Variants in TENM1 observed in about 807,000 individuals in gnomAD.
The protein encoded by TENM1 is teneurin transmembrane protein 1.
In TENM1, 35 loss-of-function variants were observed where a neutral mutation model predicts 174.8. The ratio of observed to expected loss-of-function variants is 0.20; its 90% CI spans 0.15 to 0.27. The LOEUF is 0.27. Among genes scored for constraint, TENM1 ranks in the 10% least tolerant of loss-of-function variants. TENM1 has a pLI of 1.00. For missense variants in TENM1, 1,633 were observed against 2,130.1 expected (o/e 0.77, Z 4.59); for synonymous variants, 781 against 798.7 (o/e 0.98, Z 0.37).
chrX:124,973,410 T>C, the TENM1 span, among the ~76,000 whole-genome samples: 14 of 111,729 alleles, frequency 1.3e-4, no homozygotes, highest in Non-Finnish European at 2.3e-4. Context: ...CCATAAGAAA[T>C]TTAAAGTAGT....
chrX:125,149,258 A>G, the TENM1 span, among the ~76,000 whole-genome samples: 1 of 111,764 alleles, frequency 8.9e-6, no homozygotes. Flanking sequence ...TTAACTGGCA[A>G]ACTCCTCTCC....
At chrX:124,451,077 T>A (rs1427826062) in intron 23 of TENM1, among the ~76,000 whole-genome samples, 3 of 112,052 alleles carry the variant, frequency 2.7e-5, no homozygotes, top group Non-Finnish European at 5.6e-5. Context: ...ATGTTAGAGC[T>A]GGAAGGTTTG....
intron 8 of TENM1, among the ~76,000 whole-genome samples, chrX:124,650,354 G>T (rs996440853): frequency 1.8e-5 from 2 of 111,051 alleles, no homozygotes; most frequent in African/African-American, 6.5e-5. Context: ...AAAGACAAGA[G>T]AAAAGTAAAG....
At chrX:125,075,474 CAT>C in the TENM1 span, among the ~76,000 whole-genome samples, 3 of 111,214 alleles carry the variant, frequency 2.7e-5, no homozygotes, top group Non-Finnish European at 5.7e-5. Context: ...TTTATGTAGA[CAT>C]ATGTTTTCAT....
chrX:124,737,285 T>C, intron 3 of TENM1, 88 bp from the exon 7 acceptor site: 1 of 1,011,530 alleles, frequency 9.9e-7, no homozygotes, highest in Non-Finnish European at 1.3e-6. Context: ...TTACCAGGAT[T>C]TCAGATAATA....
At chrX:124,974,997 G>A in the TENM1 span, among the ~76,000 whole-genome samples, 1 of 104,300 alleles carries the variant, frequency 9.6e-6, no homozygotes, top group Admixed American at 1.1e-4. Flanking sequence ...CAGGAACTCT[G>A]GTTCATATCT....
At chrX:125,202,142 G>A in the TENM1 span, among the ~76,000 whole-genome samples, 1 of 111,930 alleles carries the variant, frequency 8.9e-6, no homozygotes, top group South Asian at 3.8e-4. Flanking sequence ...GGACTAGGAA[G>A]ATGAACTGGG....
At chrX:124,460,808 A>C (rs1219372808) in intron 22 of TENM1, among the ~76,000 whole-genome samples, 1 of 110,768 alleles carries the variant, frequency 9.0e-6, no homozygotes, top group Non-Finnish European at 1.9e-5. Context: ...TCTCTTAACC[A>C]CTATGCCATG....
the TENM1 span, among the ~76,000 whole-genome samples, chrX:125,119,051 C>T: frequency 1.2e-3 from 135 of 111,258 alleles, 1 homozygote; most frequent in Middle Eastern, 9.1e-3. Context: ...TCAGTGTATG[C>T]ACTTAAAATG....
At chrX:125,005,433 GT>G in the TENM1 span, among the ~76,000 whole-genome samples, 1 of 108,523 alleles carries the variant, frequency 9.2e-6, no homozygotes, top group African/African-American at 3.3e-5. Flanking sequence ...GTGTGTGTGT[GT>G]GTGTGTGTGT....
At chrX:125,044,685 C>T in the TENM1 span, among the ~76,000 whole-genome samples, 1 of 111,135 alleles carries the variant, frequency 9.0e-6, no homozygotes, top group African/African-American at 3.3e-5. Context: ...CAGGTTGTGG[C>T]ATATTGTCAA....
chrX:124,698,923 G>T (rs1299172307), intron 5 of TENM1, among the ~76,000 whole-genome samples: 1 of 111,376 alleles, frequency 9.0e-6, no homozygotes, highest in East Asian at 2.8e-4. Flanking sequence ...TATTTTGTTG[G>T]TGATACTGGC....
chrX:125,037,156 C>G, the TENM1 span, among the ~76,000 whole-genome samples: 2 of 110,450 alleles, frequency 1.8e-5, no homozygotes, highest in African/African-American at 6.6e-5. Context: ...AAGTGAACAC[C>G]TACTATGTTA....
intron 3 of TENM1, among the ~76,000 whole-genome samples, chrX:124,810,018 C>T (rs896846613): frequency 1.8e-5 from 2 of 111,208 alleles, no homozygotes; most frequent in Non-Finnish European, 3.8e-5. Context: ...GATTACAATT[C>T]GAAATGAGAT....
At chrX:124,970,896 A>T in the TENM1 span, among the ~76,000 whole-genome samples, 2 of 110,788 alleles carry the variant, frequency 1.8e-5, no homozygotes, top group African/African-American at 6.6e-5. Context: ...CAAATGTCCA[A>T]CAATGATACA....
the TENM1 span, among the ~76,000 whole-genome samples, chrX:124,975,093 T>C: frequency 9.3e-6 from 1 of 107,708 alleles, no homozygotes; most frequent in Non-Finnish European, 1.9e-5. Context: ...TAATATACAG[T>C]TCTGAGTTGC....
intron 11 of TENM1, among the ~76,000 whole-genome samples, chrX:124,637,380 G>A (rs187415275): frequency 4.5e-5 from 5 of 110,520 alleles, no homozygotes; most frequent in East Asian, 2.9e-4. Flanking sequence ...GAGCCACCGC[G>A]CCTGGCCCCA....
the TENM1 span, among the ~76,000 whole-genome samples, chrX:125,181,632 C>G: frequency 9.0e-6 from 1 of 111,658 alleles, no homozygotes; most frequent in Non-Finnish European, 1.9e-5. Flanking sequence ...TATCAACAAA[C>G]CTTGTATCCT....
chrX:124,387,982 C>T (rs750567221), intron 28 of TENM1, among the ~76,000 whole-genome samples: 1 of 112,113 alleles, frequency 8.9e-6, no homozygotes, highest in African/African-American at 3.2e-5. Context: ...TTCAATAGAA[C>T]CAGCAAGAAA....
Sources: allele counts gnomAD v4.1 joint callset (sites outside exome capture counted in the v4.1 genomes callset), GRCh38; gene constraint gnomAD v4.1.1; transcripts MANE v1.5; gene names NCBI Gene and HGNC (gene_info 2026-07-23, HGNC 2026-07-21).